FCRL5: variants seen among roughly 807,000 people sequenced by gnomAD.
The protein encoded by FCRL5 is Fc receptor-like protein 5.
FCRL5 carries 79 observed loss-of-function variants against 92.1 expected under a neutral mutation model. The observed-to-expected ratio is 0.86, with a 90% CI of 0.72 to 1.03. FCRL5 has a LOEUF of 1.03. FCRL5 is among the 50% of genes least tolerant of loss of function. The pLI is 0.00. For synonymous variants in FCRL5, 466 were observed against 469.3 expected, an observed-to-expected ratio of 0.99 and a Z score of 0.09; for missense variants, 1,160 against 1,181.1, an observed-to-expected ratio of 0.98 and a Z score of 0.26.
chr1:157,538,153 C>A (rs1651062072), intron 7 of FCRL5, among the ~76,000 whole-genome samples: 1 of 152,214 alleles, frequency 6.6e-6, no homozygotes, highest in African/African-American at 2.4e-5. Context: ...CCTTGGGCCT[C>A]TGAATGTTAG....
intron 5 of FCRL5, among the ~76,000 whole-genome samples, chr1:157,543,528 G>C (rs1040548884): frequency 2.6e-5 from 4 of 152,210 alleles, no homozygotes; most frequent in African/African-American, 9.6e-5. Flanking sequence ...GTCAAGGAGA[G>C]ACTAGGAGAC....
rs550978251 is a variant in FCRL5, at chr1:157,537,326, T to C, written c.1402+1760A>G. On this transcript the variant is annotated intron_variant, in intron 7 of 16. Coordinates refer to ENST00000361835, the MANE Select transcript of FCRL5 (RefSeq NM_031281.3). Reference sequence around the variant, plus strand: ...GGCCGCTTTGGGGATGGCTGTCTTTTATGATCGTTGCTGAGGGATGAAATA... The same window carrying C: ...GGCCGCTTTGGGGATGGCTGTCTTTCATGATCGTTGCTGAGGGATGAAATA... 4.6e-5 allele frequency among the ~76,000 whole-genome samples: 7 copies of C among 152,284 alleles called. No homozygotes were observed. The South Asian group carries it at 1.0e-3, about 23-fold the overall frequency.
intron 7 of FCRL5, among the ~76,000 whole-genome samples, chr1:157,535,710 T>C (rs1650937294): frequency 6.6e-6 from 1 of 152,190 alleles, no homozygotes; most frequent in South Asian, 2.1e-4. Context: ...ATTTGTCAGA[T>C]GTAATTTGTG....
In FCRL5 at chr1:157,547,057, C is replaced by A. The variant is rs763898152; in HGVS notation, c.193G>T (p.Glu65Ter). 2.5e-6 allele frequency: 4 copies of A among 1,614,086 alleles called. No individual in the cohort carries two copies. Among genetic ancestry groups the A allele is most frequent in the Non-Finnish European group, 3.4e-6 (4 of 1,180,050 alleles). The change falls in exon 3 of 17, where the codon GAA becomes TAA. Residue 65 changes from glutamate (E) to a stop codon, truncating the protein, a stop_gained. Coordinates refer to ENST00000361835, the MANE Select transcript of FCRL5 (RefSeq NM_031281.3). LOFTEE classifies it high-confidence loss of function. ...TTGTCTGGGGTTTCTCTTAGTATTT[C>A]TTTCCCAAGGTACCGATGGTACCAT... ...TKWYHRYLGK[E>*]ILRETPDNIL...
intron 6 of FCRL5, 41 bp downstream of exon 6, chr1:157,542,818 C>G: frequency 6.3e-7 from 1 of 1,588,686 alleles, no homozygotes; most frequent in Non-Finnish European, 8.6e-7. Flanking sequence ...AGGCAGGACT[C>G]TTGGCCAGGG....
intron 10 of FCRL5, among the ~76,000 whole-genome samples, chr1:157,522,988 G>T (rs550253117): frequency 2.6e-5 from 4 of 152,318 alleles, no homozygotes; most frequent in Admixed American, 6.5e-5. Context: ...GATGAGGTTG[G>T]TGCTGCTGGT....
chr1:157,547,593 ATTATC>A (rs1651619329), intron 2 of FCRL5, among the ~76,000 whole-genome samples: 1 of 152,222 alleles, frequency 6.6e-6, no homozygotes, highest in African/African-American at 2.4e-5. Context: ...AATAAATCAT[ATTATC>A]TTAAGATTTG....
rs1369732401 is a variant in FCRL5 at position 157,524,426 on chromosome 1, C to T, written c.2092G>A (p.Val698Ile). Residue 698 changes from valine (V) to isoleucine (I), a missense_variant, in exon 10 of 17, where the codon GTC becomes ATC. Coordinates refer to ENST00000361835, the MANE Select transcript of FCRL5 (RefSeq NM_031281.3). ...GGGGCTGAGATCTTACCCAGGGTGACATCTTCATGATAAAACCAGTACAGG... is the reference window on the plus strand; with the variant it reads ...GGGGCTGAGATCTTACCCAGGGTGATATCTTCATGATAAAACCAGTACAGG... The part of the protein sequence containing the change: ...PILYWFYHED[V>I]TLGKISAPSG... The T allele has an allele frequency of 4.3e-6, 7 of 1,614,098 alleles. No homozygotes were observed. The East Asian group carries it at 1.1e-4, about 26-fold the overall frequency.
chr1:157,539,116 G>A lies in FCRL5; in HGVS notation c.1372C>T (p.Arg458Cys), dbSNP rs149906130. The change falls in exon 7 of 17, where the codon CGC becomes TGC. Residue 458 changes from arginine to cysteine, a missense_variant. Physicochemically the swap from Arg to Cys is radical, Grantham distance 180. Coordinates refer to ENST00000361835, the MANE Select transcript of FCRL5 (RefSeq NM_031281.3). Reference sequence around the variant, plus strand: ...ACGGAGAGGCTCACCGCCTTACTGCGCTGGGGGCCAAAGCCATTGTCAGCT... The same window carrying A: ...ACGGAGAGGCTCACCGCCTTACTGCACTGGGGGCCAAAGCCATTGTCAGCT... ...CTADNGFGPQ[R>C]SKAVSLSVTV... is the part of the protein sequence containing the mutation. 132 of 1,614,018 alleles carry A rather than the reference G, an allele frequency of 8.2e-5. No individual in the cohort carries two copies. Among genetic ancestry groups the A allele is most frequent in the African/African-American group, 8.1e-4 (61 of 75,070 alleles).
intron 13 of FCRL5, 174 bp from the exon 14 acceptor site, chr1:157,518,956 T>C (rs1313076819): frequency 2.0e-6 from 1 of 511,414 alleles, no homozygotes; most frequent in East Asian, 3.1e-5. Flanking sequence ...ATATTATATA[T>C]GTTTCCAGGC....
intron 8 of FCRL5, chr1:157,532,152 G>T (rs571422483): frequency 3.9e-5 from 6 of 152,226 alleles, no homozygotes; most frequent in African/African-American, 1.4e-4. Context: ...TTGTAATAAT[G>T]GCGTATGAGA....
chr1:157,521,456 T>A, intron 10 of FCRL5, 164 bp from the exon 11 acceptor site: 1 of 774,440 alleles, frequency 1.3e-6, no homozygotes, highest in Non-Finnish European at 1.9e-6. Context: ...GTTTTCAGTG[T>A]ACAAAAATAT....
chr1:157,551,947 G>A (rs1281938495), intron 1 of FCRL5, among the ~76,000 whole-genome samples: 1 of 152,164 alleles, frequency 6.6e-6, no homozygotes, highest in Non-Finnish European at 1.5e-5. Flanking sequence ...CCAGGATCTG[G>A]CCTTGTCATA....
At chr1:157,524,769 T>G (rs886641063) in intron 9 of FCRL5, among the ~76,000 whole-genome samples, 6 of 152,228 alleles carry the variant, frequency 3.9e-5, no homozygotes, top group Non-Finnish European at 8.8e-5. Flanking sequence ...AACTCAAATG[T>G]GTTTGAAGAA....
rs1346338740 is a variant in FCRL5, at chr1:157,513,656, C to T, written c.*2019G>A. ...AGGCCTTCAACAGACTGGACGGGGTCCACCCACATTAGGGTGGAGTTTGTT... is the reference window on the plus strand; with the variant it reads ...AGGCCTTCAACAGACTGGACGGGGTTCACCCACATTAGGGTGGAGTTTGTT... On this transcript the variant is annotated 3_prime_UTR_variant, in exon 17 of 17. Transcript: ENST00000361835. 6.6e-6 allele frequency: 1 copy of T among 152,196 alleles called. No individual in the cohort carries two copies. Among genetic ancestry groups the T allele is most frequent in the African/African-American group, 2.4e-5 (1 of 41,444 alleles). The allele number at this position is 152,196 out of a possible 1,614,324, so 9.4% of individuals were successfully genotyped here. A position where few individuals can be genotyped will look rare whatever the true frequency, so the allele number is the denominator to read the frequency against.
intron 6 of FCRL5, among the ~76,000 whole-genome samples, chr1:157,540,018 A>G (rs998789185): frequency 1.3e-5 from 2 of 152,224 alleles, no homozygotes; most frequent in African/African-American, 4.8e-5. Context: ...GTCTTTAGCC[A>G]TGGCAAAATA....
chr1:157,515,896 A>C lies in FCRL5; in HGVS notation c.2813-23T>G, dbSNP rs368407514. 2.8e-5 allele frequency: 45 copies of C among 1,612,984 alleles called. No individual in the cohort carries two copies. The African/African-American group carries it at 3.2e-4, about 11-fold the overall frequency. ...CCACTGTGGAAAGAGGAAAGTGTTC[A>C]GTTGTGGAAGACTGGCATGGGGCTC... is the stretch of plus-strand genomic sequence containing the variant. On this transcript the variant is annotated intron_variant, in intron 15 of 16. Transcript: ENST00000361835.
intron 8 of FCRL5, chr1:157,534,037 TTTC>T (rs1650820935): frequency 5.1e-6 from 1 of 196,936 alleles, no homozygotes; most frequent in Non-Finnish European, 1.1e-5. Flanking sequence ...TTTGCACACG[TTTC>T]TTGAATGTAT....
chr1:157,548,166 C>T (rs6662591), intron 2 of FCRL5, among the ~76,000 whole-genome samples: 2,014 of 152,354 alleles, frequency 0.013, 36 homozygotes, highest in African/African-American at 0.047. Context: ...TTAGCAAAGG[C>T]TGGGAGCTGC....
Sources: allele counts gnomAD v4.1 joint callset (sites outside exome capture counted in the v4.1 genomes callset), GRCh38; gene constraint gnomAD v4.1.1; transcripts MANE v1.5; gene names NCBI Gene and HGNC (gene_info 2026-07-23, HGNC 2026-07-21).